Variants in KIAA0319 observed in about 807,000 individuals in gnomAD.
The protein encoded by KIAA0319 is dyslexia-associated protein KIAA0319.
Under a neutral mutation model 108.4 loss-of-function variants are expected in KIAA0319, and 83 were observed. The ratio of observed to expected loss-of-function variants is 0.77; its 90% CI spans 0.64 to 0.92. KIAA0319 has a LOEUF of 0.92. Ranked by LOEUF, KIAA0319 falls within the 40% of genes least tolerant of loss-of-function variation. The pLI, the probability that KIAA0319 is intolerant of heterozygous loss-of-function variation, is 0.00. For synonymous variants in KIAA0319, 484 were observed against 510.4 expected, an observed-to-expected ratio of 0.95 and a Z score of 0.70; for missense variants, 1,195 against 1,322.4, an observed-to-expected ratio of 0.90 and a Z score of 1.49.
rs890422477 is a variant in KIAA0319, at chr6:24,556,622, C to T, written c.2842G>A (p.Gly948Arg). The T allele has an allele frequency of 1.9e-6, 3 of 1,613,894 alleles. No individual in the cohort carries two copies. The highest frequency in any genetic ancestry group is 2.5e-6 in the Non-Finnish European group (3 of 1,179,954). The part of the protein sequence containing the change: ...ENLIQRYIWD[G>R]ESNCEWSIFY... ...CAGAACTCACCACAGTTGCTCTCTCCATCCCAGATATAACGCTGTATAAGG... is the reference window on the plus strand; with the variant it reads ...CAGAACTCACCACAGTTGCTCTCTCTATCCCAGATATAACGCTGTATAAGG... Residue 948 changes from glycine (G) to arginine (R), a missense_variant, in exon 18 of 21, where the codon GGA becomes AGA. By Grantham distance (125) the Gly-to-Arg change is moderately radical. Transcript: ENST00000378214.
chr6:24,572,363 C>T (rs1489650386), intron 11 of KIAA0319, among the ~76,000 whole-genome samples: 1 of 152,198 alleles, frequency 6.6e-6, no homozygotes, highest in Non-Finnish European at 1.5e-5. Flanking sequence ...AATCGGAGCC[C>T]ACAAGCAGTG....
intron 15 of KIAA0319, among the ~76,000 whole-genome samples, chr6:24,563,794 C>T (rs1254735194): frequency 1.3e-5 from 2 of 152,142 alleles, no homozygotes. Context: ...CAGCCTCTTC[C>T]ACATTTTCCC....
At chr6:24,629,176 C>T (rs1255722777) in intron 1 of KIAA0319, among the ~76,000 whole-genome samples, 2 of 152,126 alleles carry the variant, frequency 1.3e-5, no homozygotes, top group African/African-American at 2.4e-5. Context: ...CCTTTACACA[C>T]TAGGGGTTTT....
At chr6:24,579,486 C>CATAT (rs1310646324) in intron 8 of KIAA0319, among the ~76,000 whole-genome samples, 172 of 142,510 alleles carry the variant, frequency 1.2e-3, no homozygotes, top group Middle Eastern at 3.6e-3. Context: ...TTATATATCT[C>CATAT]ATATATCTTA....
At chr6:24,631,584 C>T (rs1342399995) in intron 1 of KIAA0319, among the ~76,000 whole-genome samples, 2 of 152,350 alleles carry the variant, frequency 1.3e-5, no homozygotes, top group East Asian at 3.9e-4. Flanking sequence ...CCTGGAAACA[C>T]TGTCCCTACA....
intron 3 of KIAA0319, among the ~76,000 whole-genome samples, chr6:24,592,440 T>G (rs1472943778): frequency 6.6e-6 from 1 of 152,190 alleles, no homozygotes. Flanking sequence ...TTTCTTTCTT[T>G]TTGTTTTAAG....
chr6:24,615,513 A>G (rs562939295), intron 1 of KIAA0319, among the ~76,000 whole-genome samples: 2 of 152,296 alleles, frequency 1.3e-5, no homozygotes, highest in African/African-American at 2.4e-5. Context: ...AAGGGAAATT[A>G]GTCAGGTGAG....
At chr6:24,615,530 G>A (rs1012281415) in intron 1 of KIAA0319, among the ~76,000 whole-genome samples, 2 of 152,072 alleles carry the variant, frequency 1.3e-5, no homozygotes, top group Admixed American at 1.3e-4. Context: ...TGAGACACAA[G>A]GGTGGGAAAG....
chr6:24,568,807 G>T lies in KIAA0319; in HGVS notation c.2114C>A (p.Ser705Tyr). 1 of 1,614,130 alleles carries T rather than the reference G, an allele frequency of 6.2e-7. No homozygotes were observed. Among genetic ancestry groups the T allele is most frequent in the Non-Finnish European group, 8.5e-7 (1 of 1,180,006 alleles). The change falls in exon 13 of 21, where the codon TCC becomes TAC. Residue 705 changes from serine to tyrosine, a missense_variant. Coordinates refer to ENST00000378214, the MANE Select transcript of KIAA0319 (RefSeq NM_014809.4). Reference protein sequence around the residue: ...VKDQQGLSSTSTLTVAVKKEN... With the variant: ...VKDQQGLSSTYTLTVAVKKEN... ...CTTCTTCACAGCCACAGTGAGGGTGGACGTGCTGCTCAGTCCCTGCTGGTC... is the reference window on the plus strand; with the variant it reads ...CTTCTTCACAGCCACAGTGAGGGTGTACGTGCTGCTCAGTCCCTGCTGGTC...
intron 1 of KIAA0319, among the ~76,000 whole-genome samples, chr6:24,625,431 A>G (rs1487434123): frequency 1.3e-5 from 2 of 152,176 alleles, no homozygotes; most frequent in Admixed American, 6.5e-5. Context: ...TATTGATACA[A>G]CTTGATAAAC....
In KIAA0319 at chr6:24,603,932, A is replaced by G. The variant is rs569243266; in HGVS notation, c.-105-2724T>C. The stretch of plus-strand genomic sequence containing the variant: ...CACAGCTGCTGCCTAGCCTAACACC[A>G]TCACTGGCCATGCTCTGGGTAGGTG... On this transcript the variant is annotated intron_variant, in intron 1 of 20. Transcript: ENST00000378214. 5.9e-5 allele frequency among the ~76,000 whole-genome samples: 9 copies of G among 152,148 alleles called. No individual in the cohort carries two copies. The East Asian group carries it at 1.2e-3, about 20-fold the overall frequency.
intron 8 of KIAA0319, 150 bp downstream of exon 8, chr6:24,579,708 G>A (rs1258701018): frequency 1.6e-6 from 1 of 609,492 alleles, no homozygotes; most frequent in Non-Finnish European, 2.8e-6. Context: ...GGAGCTAAAG[G>A]AACTAAAGAA....
intron 1 of KIAA0319, among the ~76,000 whole-genome samples, chr6:24,607,406 T>C (rs1771583139): frequency 6.7e-6 from 1 of 149,050 alleles, no homozygotes; most frequent in African/African-American, 2.5e-5. Context: ...TAATTTTATC[T>C]GATAAGTGAC....
intron 1 of KIAA0319, among the ~76,000 whole-genome samples, chr6:24,632,807 A>G (rs1032087755): frequency 6.6e-6 from 1 of 152,248 alleles, no homozygotes; most frequent in Non-Finnish European, 1.5e-5. Context: ...ACCTGTGCCA[A>G]TCAACACAGA....
At chr6:24,557,135 T>C (rs925720035) in intron 17 of KIAA0319, among the ~76,000 whole-genome samples, 4 of 150,606 alleles carry the variant, frequency 2.7e-5, no homozygotes, top group South Asian at 4.2e-4. Flanking sequence ...AACCAGGGAG[T>C]TGGAGGTTGC....
chr6:24,580,878 T>A, intron 7 of KIAA0319, 48 bp downstream of exon 7: 1 of 1,290,922 alleles, frequency 7.7e-7, no homozygotes, highest in Non-Finnish European at 1.1e-6. Context: ...GCACCAAAAA[T>A]TGAGATAAAT....
At position 24,560,863 on chromosome 6, in the gene KIAA0319, C is replaced by T. The variant is rs528129368; in HGVS notation, c.2592-1708G>A. 1.1e-3 allele frequency among the ~76,000 whole-genome samples: 167 copies of T among 152,254 alleles called. 1 individual carries two copies. The highest frequency in any genetic ancestry group is 3.7e-3 in the African/African-American group (152 of 41,536). ...CCCTATTTCTAAGTAAGGTGACATT[C>T]ATAGGTACCAGAGGTTAGGGCTTGA... is the stretch of plus-strand genomic sequence containing the variant. On this transcript the variant is annotated intron_variant, in intron 16 of 20. Transcript: ENST00000378214.
intron 1 of KIAA0319, among the ~76,000 whole-genome samples, chr6:24,630,740 TAG>T (rs1775480701): frequency 6.6e-6 from 1 of 150,634 alleles, no homozygotes; most frequent in African/African-American, 2.4e-5. Context: ...GCTATCATCT[TAG>T]AGTTGTATAA....
At chr6:24,571,492 T>C (rs1764724895) in intron 11 of KIAA0319, among the ~76,000 whole-genome samples, 1 of 152,124 alleles carries the variant, frequency 6.6e-6, no homozygotes, top group African/African-American at 2.4e-5. Context: ...GGGGTTTCCC[T>C]TTGCCGTAGG....
Sources: gnomAD v4.1 joint callset for allele counts (sites outside exome capture counted in the v4.1 genomes callset) on GRCh38, gnomAD v4.1.1 for gene constraint, MANE v1.5 for transcripts, NCBI Gene and HGNC (gene_info 2026-07-23, HGNC 2026-07-21) for gene names.